GDF3: variants seen among roughly 807,000 people sequenced by gnomAD.
GDF3 encodes the protein growth differentiation factor 3, also known as growth/differentiation factor 3.
A neutral mutation model predicts 10.2 loss-of-function variants in GDF3; 10 were observed. That is an observed-to-expected ratio of 0.98 (90% CI 0.60 to 1.66). GDF3 has a LOEUF of 1.66. Among genes scored for constraint, GDF3 ranks in the 40% most tolerant of loss-of-function variants. The pLI is 0.00. For missense variants in GDF3, 450 were observed against 438.3 expected (o/e 1.03, Z -0.24); for synonymous variants, 166 against 178.5 (o/e 0.93, Z 0.56).
At chr12:7,693,247 G>C (rs1864150399) in intron 1 of GDF3, among the ~76,000 whole-genome samples, 1 of 151,918 alleles carries the variant, frequency 6.6e-6, no homozygotes, top group Non-Finnish European at 1.5e-5. Flanking sequence ...CTGTCACCCA[G>C]GCTGGAGTGC....
rs745461299 is a variant in GDF3 at position 7,695,623 on chromosome 12, C to T, written c.106G>A (p.Asp36Asn). 15 of 1,614,166 alleles carry T rather than the reference C, an allele frequency of 9.3e-6. No homozygotes were observed. The Middle Eastern group carries it at 9.9e-4, about 107-fold the overall frequency. ...AACTTCTGGGGTGAAGGCGCCTTAT[C>T]TAAGCCCAGAAATTGGAGAAAGACA... ...EYVFLQFLGL[D>N]KAPSPQKFQP... Residue 36 changes from aspartate to asparagine, a missense_variant, in exon 1 of 2, where the codon GAT becomes AAT. Coordinates refer to ENST00000329913, the MANE Select transcript of GDF3 (RefSeq NM_020634.3).
rs1235088374 is a variant in GDF3, at chr12:7,690,557, AG to A, written c.415del (p.Leu139TrpfsTer48). The A allele has an allele frequency of 6.2e-7, 1 of 1,606,636 alleles. No individual in the cohort carries two copies. The highest frequency in any genetic ancestry group is 8.5e-7 in the Non-Finnish European group (1 of 1,176,012). On this transcript the variant is annotated frameshift_variant, in exon 2 of 2. Transcript: ENST00000329913. LOFTEE classifies it low-confidence loss of function (END_TRUNC). ...CAGAGCCAGTTCCAGCTCTGGTCCCAGGTTATAGTAAGAATTGGGCCCCAAG... is the reference window on the plus strand; with the variant it reads ...CAGAGCCAGTTCCAGCTCTGGTCCCAGTTATAGTAAGAATTGGGCCCCAAG... ...LDLGPNSYYN[L>X]GPELELALFL...
chr12:7,690,706 T>C lies in GDF3; in HGVS notation c.269-2A>G. ...TTTTCTTTGGGTAAAGAAAGAAACCTAGATGGGAAAAGAGACATGTCAGAG... is the reference window on the plus strand; with the variant it reads ...TTTTCTTTGGGTAAAGAAAGAAACCCAGATGGGAAAAGAGACATGTCAGAG... On this transcript the variant is annotated splice_acceptor_variant, in intron 1 of 1. Coordinates refer to ENST00000329913, the MANE Select transcript of GDF3 (RefSeq NM_020634.3). LOFTEE classifies it high-confidence loss of function. The C allele has an allele frequency of 1.3e-6, 2 of 1,542,474 alleles. No homozygotes were observed. The highest frequency in any genetic ancestry group is 1.8e-6 in the Non-Finnish European group (2 of 1,115,120).
Position 7,691,803 on chromosome 12 carries a change from C to G in GDF3, c.269-1099G>C, listed in dbSNP as rs757987305. ...CGGGCGGATCACGAGATGAGGAGAT[C>G]GAGACCATCCTGGCTAACACGGTAA... On this transcript the variant is annotated intron_variant, in intron 1 of 1. Coordinates refer to ENST00000329913, the MANE Select transcript of GDF3 (RefSeq NM_020634.3). Among the ~76,000 whole-genome samples, 137 of 135,138 alleles carry G rather than the reference C, an allele frequency of 1.0e-3. 3 individuals are homozygous for G. The East Asian group carries it at 0.027, about 27-fold the overall frequency. The allele number at this position is 135,138 out of a possible 152,430, so 88.7% of individuals were successfully genotyped here. A position where few individuals can be genotyped will look rare whatever the true frequency, so the allele number is the denominator to read the frequency against.
chr12:7,690,873 C>T (rs752613802), intron 1 of GDF3, among the ~76,000 whole-genome samples, 169 bp from the exon 2 acceptor site: 2 of 152,170 alleles, frequency 1.3e-5, no homozygotes, highest in African/African-American at 4.8e-5. Flanking sequence ...AGAGGGTCCC[C>T]AGGTGCGGCG....
At chr12:7,692,077 T>G (rs1864137584) in intron 1 of GDF3, among the ~76,000 whole-genome samples, 1 of 152,124 alleles carries the variant, frequency 6.6e-6, no homozygotes, top group African/African-American at 2.4e-5. Flanking sequence ...AATATTTAAT[T>G]GGTTTCTTTT....
In GDF3 at chr12:7,695,721, C is replaced by G. The variant is rs760348396; in HGVS notation, c.8G>C (p.Arg3Pro). Residue 3 changes from arginine to proline, a missense_variant, in exon 1 of 2, where the codon CGT becomes CCT. Coordinates refer to ENST00000329913, the MANE Select transcript of GDF3 (RefSeq NM_020634.3). Reference protein sequence around the residue: MLRFLPDLAFSFL... With the variant: MLPFLPDLAFSFL... ...GCTGAAAGCCAAATCTGGCAAGAAA[C>G]GAAGCATGGCCTCTGGAGTGGCTGT... is the stretch of plus-strand genomic sequence containing the variant. 4 of 1,614,028 alleles carry G rather than the reference C, an allele frequency of 2.5e-6. No homozygotes were observed. Among genetic ancestry groups the G allele is most frequent in the African/African-American group, 1.3e-5 (1 of 74,928 alleles).
At chr12:7,694,569 CAAAAAA>C (rs57221382) in intron 1 of GDF3, among the ~76,000 whole-genome samples, 1 of 80,164 alleles carries the variant, frequency 1.2e-5, no homozygotes, top group Non-Finnish European at 2.2e-5. Context: ...GCGAGACTCT[CAAAAAA>C]AAAAAAAAAA....
intron 1 of GDF3, among the ~76,000 whole-genome samples, chr12:7,692,508 A>AC (rs1565449550): frequency 6.9e-6 from 1 of 145,848 alleles, no homozygotes; most frequent in African/African-American, 2.5e-5. Context: ...GATTGGCTTT[A>AC]ATTTTTTTTT....
At chr12:7,691,581 A>G (rs11055248) in intron 1 of GDF3, among the ~76,000 whole-genome samples, 64,376 of 151,766 alleles carry the variant, frequency 0.42, 14,703 homozygotes, top group Non-Finnish European at 0.5. Context: ...AAAAAGAAAA[A>G]AAAAAACAAA....
Position 7,695,648 on chromosome 12 carries a change from A to G in GDF3, c.81T>C (p.Tyr27=). The G allele has an allele frequency of 6.2e-7, 1 of 1,614,158 alleles. No homozygotes were observed. Among genetic ancestry groups the G allele is most frequent in the South Asian group, 1.1e-5 (1 of 91,082 alleles). ...ALGQAVQFQE[Y]VFLQFLGLDK... is the part of the protein sequence containing the mutation. The stretch of plus-strand genomic sequence containing the variant: ...CTAAGCCCAGAAATTGGAGAAAGAC[A>G]TATTCTTGAAATTGGACTGCCTGGC... Residue 27 remains tyrosine, a synonymous_variant, in exon 1 of 2, where the codon TAT becomes TAC. Coordinates refer to ENST00000329913, the MANE Select transcript of GDF3 (RefSeq NM_020634.3).
intron 1 of GDF3, among the ~76,000 whole-genome samples, chr12:7,693,220 C>T (rs1254854716): frequency 1.3e-5 from 2 of 151,488 alleles, no homozygotes; most frequent in Admixed American, 6.6e-5. Flanking sequence ...TTTCTTTCCC[C>T]GAGATGGAGT....
In GDF3 at chr12:7,689,797, C is replaced by G; in HGVS notation, c.*81G>C. Reference sequence around the variant, plus strand: ...AACACAGGTATATTGACATTTCGATCTAAGTGGTCATAAACCAGATAGGTA... The same window carrying G: ...AACACAGGTATATTGACATTTCGATGTAAGTGGTCATAAACCAGATAGGTA... On this transcript the variant is annotated 3_prime_UTR_variant, in exon 2 of 2. Coordinates refer to ENST00000329913, the MANE Select transcript of GDF3 (RefSeq NM_020634.3). The G allele has an allele frequency of 3.2e-6, 3 of 948,466 alleles. No homozygotes were observed. The highest frequency in any genetic ancestry group is 5.2e-6 in the Non-Finnish European group (3 of 581,734). 58.8% of individuals were successfully genotyped at this position (948,466 alleles called of 1,614,324 possible).
chr12:7,694,095 G>C (rs915386793), intron 1 of GDF3, among the ~76,000 whole-genome samples: 1 of 152,112 alleles, frequency 6.6e-6, no homozygotes, highest in African/African-American at 2.4e-5. Flanking sequence ...GCTCTAGAAG[G>C]AATAGACTAC....
chr12:7,694,291 G>A (rs1864160089), intron 1 of GDF3, among the ~76,000 whole-genome samples: 1 of 152,068 alleles, frequency 6.6e-6, no homozygotes, highest in Non-Finnish European at 1.5e-5. Flanking sequence ...GGCTGGGTGC[G>A]GTGGCTCAGG....
intron 1 of GDF3, among the ~76,000 whole-genome samples, chr12:7,695,040 C>T (rs1246828974): frequency 1.3e-5 from 2 of 152,120 alleles, no homozygotes; most frequent in Non-Finnish European, 2.9e-5. Context: ...CCTGGGCAAA[C>T]CAACCTCAAA....
chr12:7,694,512 TG>T (rs1864162314), intron 1 of GDF3, among the ~76,000 whole-genome samples: 1 of 142,078 alleles, frequency 7.0e-6, no homozygotes, highest in Non-Finnish European at 1.5e-5. Context: ...AAGCGGAGGT[TG>T]CAGTGAGCTG....
intron 1 of GDF3, 30 bp downstream of exon 1, chr12:7,695,430 TG>T (rs1251198013): frequency 1.2e-6 from 2 of 1,600,708 alleles, no homozygotes; most frequent in African/African-American, 2.7e-5. Context: ...CAGTTCCAGA[TG>T]TTTTTCTGGA....
intron 1 of GDF3, among the ~76,000 whole-genome samples, chr12:7,692,322 C>T (rs1008910684): frequency 6.6e-6 from 1 of 151,404 alleles, no homozygotes; most frequent in East Asian, 2.0e-4. Flanking sequence ...CCCAGCTACT[C>T]GGGAGGCTGA....
Sources: gnomAD v4.1 joint callset for allele counts (sites outside exome capture counted in the v4.1 genomes callset) on GRCh38, gnomAD v4.1.1 for gene constraint, MANE v1.5 for transcripts, NCBI Gene and HGNC (gene_info 2026-07-23, HGNC 2026-07-21) for gene names.